GALNT13: variants seen among roughly 807,000 people sequenced by gnomAD.
GALNT13 encodes the protein polypeptide N-acetylgalactosaminyltransferase 13.
A neutral mutation model predicts 64.2 loss-of-function variants in GALNT13; 28 were observed. The observed-to-expected ratio is 0.44, with a 90% CI of 0.32 to 0.60. The LOEUF (loss-of-function observed/expected upper bound fraction) is 0.60. GALNT13 is among the 20% of genes least tolerant of loss of function. The probability of loss-of-function intolerance (pLI) is 0.05; values close to 1 mark genes in which losing one functional copy is unlikely to be tolerated. For missense variants in GALNT13, 577 were observed against 669.8 expected (o/e 0.86, Z 1.53); for synonymous variants, 214 against 224.6 (o/e 0.95, Z 0.42).
intron 4 of GALNT13, among the ~76,000 whole-genome samples, chr2:154,224,169 C>T (rs1263575732): frequency 2.0e-5 from 3 of 151,904 alleles, no homozygotes; most frequent in Non-Finnish European, 4.4e-5. Flanking sequence ...GCAAATAAGT[C>T]GTTGATTCAT....
chr2:153,342,694 C>T, the GALNT13 span, among the ~76,000 whole-genome samples: 1 of 152,166 alleles, frequency 6.6e-6, no homozygotes, highest in Admixed American at 6.5e-5. Flanking sequence ...TCTTCCTGCT[C>T]CTCTTCCCTC....
At chr2:153,085,470 G>C in the GALNT13 span, among the ~76,000 whole-genome samples, 45 of 152,254 alleles carry the variant, frequency 3.0e-4, no homozygotes, top group Middle Eastern at 3.4e-3. Flanking sequence ...GCAGCCCTAG[G>C]ACTTGGTGTC....
At chr2:154,391,409 A>G (rs1350741646) in intron 9 of GALNT13, among the ~76,000 whole-genome samples, 1 of 152,180 alleles carries the variant, frequency 6.6e-6, no homozygotes, top group Non-Finnish European at 1.5e-5. Context: ...TGTTAGAAAT[A>G]TGGACCCTAA....
chr2:153,123,485 A>G, the GALNT13 span, among the ~76,000 whole-genome samples: 3 of 152,344 alleles, frequency 2.0e-5, no homozygotes, highest in East Asian at 1.9e-4. Flanking sequence ...TAGAACATCA[A>G]TGAAATAAGA....
chr2:153,113,960 G>A, the GALNT13 span, among the ~76,000 whole-genome samples: 2 of 152,136 alleles, frequency 1.3e-5, no homozygotes, highest in East Asian at 1.9e-4. Context: ...TACATCGTTT[G>A]GGCCCATGAT....
chr2:153,301,586 A>G, the GALNT13 span, among the ~76,000 whole-genome samples: 2 of 152,068 alleles, frequency 1.3e-5, no homozygotes, highest in Non-Finnish European at 2.9e-5. Flanking sequence ...TAAGAATACG[A>G]TATGTACATT....
At chr2:153,818,341 T>C in the GALNT13 span, among the ~76,000 whole-genome samples, 7 of 152,106 alleles carry the variant, frequency 4.6e-5, no homozygotes, top group African/African-American at 1.7e-4. Flanking sequence ...GTATCCCCAA[T>C]AGAGGCCATA....
the GALNT13 span, among the ~76,000 whole-genome samples, chr2:153,684,928 G>A: frequency 6.6e-6 from 1 of 151,658 alleles, no homozygotes; most frequent in South Asian, 2.1e-4. Context: ...TCCTGTGTTA[G>A]TTTGCTAAGG....
At chr2:153,137,294 T>C in the GALNT13 span, among the ~76,000 whole-genome samples, 134,496 of 152,030 alleles carry the variant, frequency 0.88, 60,492 homozygotes, top group South Asian at 0.97. Flanking sequence ...ATTTCTTATA[T>C]GCCCAGCTAT....
intron 3 of GALNT13, among the ~76,000 whole-genome samples, chr2:154,025,117 C>G: frequency 6.6e-6 from 1 of 152,144 alleles, no homozygotes; most frequent in Non-Finnish European, 1.5e-5. Flanking sequence ...GGGGGTGCCT[C>G]CCAGTTAGGC....
At chr2:153,895,061 T>G (rs546867694) in intron 1 of GALNT13, among the ~76,000 whole-genome samples, 17 of 152,258 alleles carry the variant, frequency 1.1e-4, no homozygotes, top group African/African-American at 4.1e-4. Context: ...CTAGGAAAAT[T>G]GCTAAATCTA....
the GALNT13 span, among the ~76,000 whole-genome samples, chr2:153,142,620 AAG>A: frequency 9.2e-5 from 14 of 151,366 alleles, no homozygotes; most frequent in Middle Eastern, 3.4e-3. Context: ...GAGCAAGAGC[AAG>A]AGAGAGAGAG....
chr2:153,592,717 T>G, the GALNT13 span: 1 of 152,176 alleles, frequency 6.6e-6, no homozygotes, highest in Non-Finnish European at 1.5e-5. Context: ...GGAAATGGAC[T>G]TTTCCTGAAG....
At chr2:154,178,163 G>A (rs564394751) in intron 4 of GALNT13, among the ~76,000 whole-genome samples, 1 of 152,180 alleles carries the variant, frequency 6.6e-6, no homozygotes, top group East Asian at 1.9e-4. Flanking sequence ...TATAAGTTAG[G>A]TGCTAAGATA....
At chr2:153,841,877 A>G in the GALNT13 span, among the ~76,000 whole-genome samples, 1 of 152,176 alleles carries the variant, frequency 6.6e-6, no homozygotes, top group Non-Finnish European at 1.5e-5. Context: ...AAAGTGCACA[A>G]AAGATGATGT....
chr2:154,415,136 GA>G (rs140405678), intron 11 of GALNT13, among the ~76,000 whole-genome samples: 48 of 134,890 alleles, frequency 3.6e-4, no homozygotes, highest in East Asian at 1.1e-3. Context: ...CCCATCTCTA[GA>G]AAAAAAAAAA....
the GALNT13 span, among the ~76,000 whole-genome samples, chr2:153,193,025 A>G: frequency 6.6e-6 from 1 of 152,020 alleles, no homozygotes; most frequent in African/African-American, 2.4e-5. Flanking sequence ...TACTCCTGCC[A>G]TTTTGTTTAT....
At chr2:153,576,150 A>G in the GALNT13 span, among the ~76,000 whole-genome samples, 13 of 148,666 alleles carry the variant, frequency 8.7e-5, no homozygotes, top group African/African-American at 1.3e-4. Flanking sequence ...TGCCCTCCCC[A>G]CTCTTTCCTC....
At chr2:153,494,760 A>T in the GALNT13 span, among the ~76,000 whole-genome samples, 6 of 152,212 alleles carry the variant, frequency 3.9e-5, no homozygotes, top group African/African-American at 1.4e-4. Context: ...CTTAGATTTC[A>T]TCAGAATTTA....
Sources: gnomAD v4.1 joint callset for allele counts (sites outside exome capture counted in the v4.1 genomes callset) on GRCh38, gnomAD v4.1.1 for gene constraint, MANE v1.5 for transcripts, NCBI Gene and HGNC (gene_info 2026-07-23, HGNC 2026-07-21) for gene names.